GALNT13: variants seen among roughly 807,000 people sequenced by gnomAD.
GALNT13 encodes UDP-GalNAc:polypeptide N-acetylgalactosaminyltransferase 13.
GALNT13 carries 28 observed loss-of-function variants against 64.2 expected under a neutral mutation model. The observed-to-expected ratio is 0.44, with a 90% CI of 0.32 to 0.60. GALNT13 has a LOEUF of 0.60. Among genes scored for constraint, GALNT13 ranks in the 20% least tolerant of loss-of-function variants. The pLI is 0.05. For synonymous variants in GALNT13, 214 were observed against 224.6 expected, an observed-to-expected ratio of 0.95 and a Z score of 0.42; for missense variants, 577 against 669.8, an observed-to-expected ratio of 0.86 and a Z score of 1.53.
chr2:153,318,125 T>TTTTG, the GALNT13 span, among the ~76,000 whole-genome samples: 1 of 151,420 alleles, frequency 6.6e-6, no homozygotes, highest in Non-Finnish European at 1.5e-5. Context: ...TAGGAGAGTT[T>TTTTG]TTTTTTTTTT....
At chr2:153,809,492 G>GT in the GALNT13 span, among the ~76,000 whole-genome samples, 1 of 152,164 alleles carries the variant, frequency 6.6e-6, no homozygotes, top group Admixed American at 6.5e-5. Context: ...CTCTTTGCAT[G>GT]TATCTCCTTT....
At chr2:153,418,159 C>G in the GALNT13 span, among the ~76,000 whole-genome samples, 2 of 151,956 alleles carry the variant, frequency 1.3e-5, no homozygotes, top group African/African-American at 4.8e-5. Context: ...AGGATCAGAA[C>G]CAAAGACAGA....
At chr2:153,904,010 A>G (rs538235421) in intron 2 of GALNT13, among the ~76,000 whole-genome samples, 35 of 152,112 alleles carry the variant, frequency 2.3e-4, no homozygotes, top group Admixed American at 7.2e-4. Flanking sequence ...ACTTTAAATA[A>G]TGTATCCTTA....
chr2:153,340,948 G>A, the GALNT13 span, among the ~76,000 whole-genome samples: 1 of 152,158 alleles, frequency 6.6e-6, no homozygotes, highest in Admixed American at 6.5e-5. Flanking sequence ...AGTTAGAAAT[G>A]CAAATTCTTG....
At chr2:154,392,827 G>A (rs191251380) in intron 9 of GALNT13, among the ~76,000 whole-genome samples, 67 of 152,232 alleles carry the variant, frequency 4.4e-4, no homozygotes, top group African/African-American at 1.5e-3. Flanking sequence ...AAATGTTTTG[G>A]GGCTAGTTAG....
At chr2:153,135,418 C>T in the GALNT13 span, among the ~76,000 whole-genome samples, 1 of 152,066 alleles carries the variant, frequency 6.6e-6, no homozygotes, top group Non-Finnish European at 1.5e-5. Context: ...TTTCCTTGGT[C>T]TGTCTTAGTT....
intron 9 of GALNT13, among the ~76,000 whole-genome samples, chr2:154,305,382 C>CATGT (rs1693675584): frequency 6.6e-6 from 1 of 151,838 alleles, no homozygotes; most frequent in African/African-American, 2.4e-5. Flanking sequence ...AATACACATG[C>CATGT]ACACACAAAC....
chr2:154,363,592 C>T (rs1034874744), intron 9 of GALNT13, among the ~76,000 whole-genome samples: 1 of 152,014 alleles, frequency 6.6e-6, no homozygotes, highest in Non-Finnish European at 1.5e-5. Context: ...AAGCAAAGAA[C>T]AGTGTGATGA....
chr2:153,884,603 T>C (rs1208691754), intron 1 of GALNT13, among the ~76,000 whole-genome samples: 1 of 151,326 alleles, frequency 6.6e-6, no homozygotes, highest in Non-Finnish European at 1.5e-5. Flanking sequence ...CTATAACATG[T>C]CATTTAAGTT....
the GALNT13 span, among the ~76,000 whole-genome samples, chr2:153,570,716 C>T: frequency 1.3e-5 from 2 of 152,080 alleles, no homozygotes; most frequent in Non-Finnish European, 2.9e-5. Flanking sequence ...AAGAGACTGT[C>T]TTTTCTTCAG....
At chr2:154,106,564 GTTGA>G (rs1702627160) in intron 3 of GALNT13, among the ~76,000 whole-genome samples, 1 of 151,780 alleles carries the variant, frequency 6.6e-6, no homozygotes, top group Non-Finnish European at 1.5e-5. Context: ...ACCAGAGTGT[GTTGA>G]TTATTATAGA....
chr2:153,511,105 G>A, the GALNT13 span, among the ~76,000 whole-genome samples: 11 of 152,306 alleles, frequency 7.2e-5, no homozygotes, highest in African/African-American at 2.4e-4. Flanking sequence ...GGAAGAGGAT[G>A]TGGAGTTGGA....
chr2:154,221,915 C>T (rs1159476422), intron 4 of GALNT13, among the ~76,000 whole-genome samples: 4 of 152,066 alleles, frequency 2.6e-5, no homozygotes, highest in African/African-American at 9.7e-5. Flanking sequence ...CACTGTAATT[C>T]TCAAAGAGAA....
chr2:154,414,605 T>C (rs1264932335), intron 11 of GALNT13, among the ~76,000 whole-genome samples: 1 of 152,058 alleles, frequency 6.6e-6, no homozygotes, highest in Non-Finnish European at 1.5e-5. Flanking sequence ...TTTAATGATT[T>C]TAAAAACTGG....
intron 3 of GALNT13, among the ~76,000 whole-genome samples, chr2:154,113,827 G>T (rs947018711): frequency 6.6e-6 from 1 of 152,236 alleles, no homozygotes. Context: ...GTGCATTGCT[G>T]GCCTTGCCAG....
chr2:154,320,848 G>C (rs113737760), intron 9 of GALNT13, among the ~76,000 whole-genome samples: 1 of 152,128 alleles, frequency 6.6e-6, no homozygotes, highest in African/African-American at 2.4e-5. Context: ...AATGCTAATT[G>C]ACAATGAACT....
the GALNT13 span, among the ~76,000 whole-genome samples, chr2:153,717,584 A>C: frequency 6.6e-6 from 1 of 152,246 alleles, no homozygotes; most frequent in African/African-American, 2.4e-5. Context: ...TATATAAGAC[A>C]ACACAAATTG....
At chr2:153,743,289 A>G in the GALNT13 span, among the ~76,000 whole-genome samples, 1 of 152,184 alleles carries the variant, frequency 6.6e-6, no homozygotes, top group Middle Eastern at 3.4e-3. Context: ...TTCTTTATCC[A>G]TTCATTGTTG....
chr2:153,735,463 T>C, the GALNT13 span, among the ~76,000 whole-genome samples: 1 of 152,122 alleles, frequency 6.6e-6, no homozygotes, highest in Non-Finnish European at 1.5e-5. Flanking sequence ...ATATTCTTTT[T>C]AGCATGTTAT....
Sources: allele counts gnomAD v4.1 joint callset (sites outside exome capture counted in the v4.1 genomes callset), GRCh38; gene constraint gnomAD v4.1.1; transcripts MANE v1.5; gene names NCBI Gene and HGNC (gene_info 2026-07-23, HGNC 2026-07-21).